The following WRN variants were observed in gnomAD, a reference collection of about 807,000 sequenced individuals.
The protein encoded by WRN is WRN RecQ like helicase.
WRN carries 149 observed loss-of-function variants against 180.7 expected under a neutral mutation model. The ratio of observed to expected loss-of-function variants is 0.82; its 90% confidence interval spans 0.72 to 0.94. The LOEUF is 0.94. Among genes scored for constraint, WRN ranks in the 40% least tolerant of loss-of-function variants. The pLI is 0.00. For missense variants in WRN, 1,661 were observed against 1,700.1 expected, an observed-to-expected ratio of 0.98 and a Z score of 0.40; for synonymous variants, 548 against 568.9, an observed-to-expected ratio of 0.96 and a Z score of 0.52.
intron 24 of WRN, among the ~76,000 whole-genome samples, chr8:31,135,375 T>C (rs1052516202): frequency 6.6e-6 from 1 of 152,054 alleles, no homozygotes; most frequent in Non-Finnish European, 1.5e-5. Flanking sequence ...GAGTTGGAGT[T>C]TATGGCTATT....
intron 20 of WRN, among the ~76,000 whole-genome samples, chr8:31,117,380 T>C (rs867602982): frequency 6.6e-6 from 1 of 152,172 alleles, no homozygotes. Context: ...AACATTAGAC[T>C]GGCAGCAATA....
chr8:31,134,084 C>A (rs1255398482), intron 24 of WRN, among the ~76,000 whole-genome samples: 1 of 152,104 alleles, frequency 6.6e-6, no homozygotes, highest in African/African-American at 2.4e-5. Flanking sequence ...TAAAACTTTT[C>A]TAAAAGTACC....
intron 18 of WRN, among the ~76,000 whole-genome samples, chr8:31,104,414 A>T (rs956926448): frequency 1.3e-5 from 2 of 152,226 alleles, no homozygotes; most frequent in Non-Finnish European, 2.9e-5. Context: ...TTTAAAAAAT[A>T]CATTGTAGAT....
intron 21 of WRN, 42 bp from the exon 22 acceptor site, chr8:31,124,480 C>T: frequency 6.9e-7 from 1 of 1,453,676 alleles, no homozygotes; most frequent in Non-Finnish European, 9.6e-7. Flanking sequence ...AGAAAGTTGC[C>T]AATACAGTTT....
At chr8:31,061,397 A>G (rs1204832014) in intron 3 of WRN, among the ~76,000 whole-genome samples, 1 of 151,772 alleles carries the variant, frequency 6.6e-6, no homozygotes. Context: ...GAACATATTT[A>G]GCATATTTTT....
At chr8:31,099,586 T>G (rs931583153) in intron 17 of WRN, among the ~76,000 whole-genome samples, 3 of 151,580 alleles carry the variant, frequency 2.0e-5, no homozygotes, top group African/African-American at 7.3e-5. Flanking sequence ...TTTTTTGTCT[T>G]TCTTCTCCAC....
chr8:31,116,944 T>C (rs11574307), intron 20 of WRN, among the ~76,000 whole-genome samples: 3,443 of 152,168 alleles, frequency 0.023, 121 homozygotes, highest in African/African-American at 0.076. Context: ...GTGACTGGTA[T>C]GGAATGGTTG....
At chr8:31,134,678 G>A (rs569689996) in intron 24 of WRN, among the ~76,000 whole-genome samples, 22 of 152,284 alleles carry the variant, frequency 1.4e-4, no homozygotes, top group Non-Finnish European at 2.9e-4. Flanking sequence ...TTCTGATCAC[G>A]TTAGCAGAAT....
At chr8:31,096,939 T>A in intron 17 of WRN, 89 bp downstream of exon 17, 1 of 1,235,412 alleles carries the variant, frequency 8.1e-7, no homozygotes, top group Non-Finnish European at 1.2e-6. Flanking sequence ...TCACTTCTGT[T>A]AAAGTTTATT....
At chr8:31,090,718 A>G (rs1813714137) in intron 14 of WRN, 116 bp from the exon 15 acceptor site, 5 of 1,035,800 alleles carry the variant, frequency 4.8e-6, no homozygotes, top group Non-Finnish European at 5.7e-6. Flanking sequence ...AAGATAGCAT[A>G]CTAGTATTGA....
chr8:31,079,199 A>G (rs1813207890), intron 8 of WRN, among the ~76,000 whole-genome samples: 1 of 152,198 alleles, frequency 6.6e-6, no homozygotes, highest in African/African-American at 2.4e-5. Context: ...TTGTCTACGT[A>G]AGCTTGAGCC....
At position 31,081,233 on chromosome 8, in the gene WRN, C is replaced by G. The variant is rs745838198; in HGVS notation, c.1206C>G (p.Leu402=). 6.2e-7 allele frequency: 1 copy of G among 1,612,600 alleles called. No homozygotes were observed. Among genetic ancestry groups the G allele is most frequent in the Admixed American group, 1.7e-5 (1 of 59,908 alleles). Residue 402 remains leucine, a synonymous_variant, in exon 9 of 35, where the codon CTC becomes CTG. Transcript: ENST00000298139. ...CGTTAGATATTACAGAACATGAACT[C>G]CAAATTTTGGAACAGCAGTCTCAGG... is the stretch of plus-strand genomic sequence containing the variant. ...LMSLDITEHE[L]QILEQQSQEE...
rs35353095 is a variant in WRN at position 31,159,944 on chromosome 8, C to CAA, written c.3982+2432_3982+2433dup. Among the ~76,000 whole-genome samples, 314 of 101,698 alleles carry CAA rather than the reference C, an allele frequency of 3.1e-3. 4 individuals carry two copies. Among genetic ancestry groups the CAA allele is most frequent in the East Asian group, 9.0e-3 (27 of 3,008 alleles). 66.7% of individuals were successfully genotyped at this position (101,698 alleles called of 152,430 possible). A position where few individuals can be genotyped will look rare whatever the true frequency, so the allele number is the denominator to read the frequency against. ...TGGGTGACAGAGTGAGACTCTGTCTCAAAAAAAAAAAAAAAAAAAGACCTT... is the reference window on the plus strand; with the variant it reads ...TGGGTGACAGAGTGAGACTCTGTCTCAAAAAAAAAAAAAAAAAAAAAGACCTT... On this transcript the variant is annotated intron_variant, in intron 33 of 34. Coordinates refer to ENST00000298139, the MANE Select transcript of WRN (RefSeq NM_000553.6).
intron 33 of WRN, among the ~76,000 whole-genome samples, chr8:31,158,103 AT>A (rs912090167): frequency 6.6e-5 from 10 of 152,038 alleles, no homozygotes; most frequent in Non-Finnish European, 5.9e-5. Flanking sequence ...GTGCACTTTC[AT>A]TTTTTTTCTA....
chr8:31,111,012 C>A lies in WRN; in HGVS notation c.2089-603C>A, dbSNP rs956673412. 2.0e-5 allele frequency among the ~76,000 whole-genome samples: 3 copies of A among 152,244 alleles called. No homozygotes were observed. In the East Asian group the frequency reaches 5.8e-4, roughly 29 times the overall value. ...CAGTCAAGAAGCCTTTGCTAGCAAT[C>A]AATTAATAATACGTTTCATTTATAC... On this transcript the variant is annotated intron_variant, in intron 18 of 34. Transcript: ENST00000298139.
At chr8:31,146,030 G>A (rs1041931627) in intron 28 of WRN, among the ~76,000 whole-genome samples, 5 of 151,666 alleles carry the variant, frequency 3.3e-5, no homozygotes, top group Non-Finnish European at 5.9e-5. Flanking sequence ...TTGGAAATTA[G>A]TGGCTTATGA....
chr8:31,042,745 T>C (rs1205650108), intron 1 of WRN, among the ~76,000 whole-genome samples: 1 of 152,216 alleles, frequency 6.6e-6, no homozygotes, highest in Non-Finnish European at 1.5e-5. Flanking sequence ...TAGAGTACTC[T>C]ATGACCTAGT....
chr8:31,088,649 G>GT (rs879494000), intron 12 of WRN, among the ~76,000 whole-genome samples: 10 of 151,752 alleles, frequency 6.6e-5, no homozygotes, highest in Admixed American at 2.6e-4. Context: ...TAAAACATCA[G>GT]TTTTTTTTAA....
rs1424207097 is a variant in WRN at position 31,174,801 on chromosome 8, CTT to C, written c.*1700_*1701del. On this transcript the variant is annotated 3_prime_UTR_variant, in exon 35 of 35. Coordinates refer to ENST00000298139, the MANE Select transcript of WRN (RefSeq NM_000553.6). Reference sequence around the variant, plus strand: ...CCTTCCTTCCCTTCCCTTCCCCTTCCTTCCTTCCTTCCTTCCTTCCTCCCTCC... The same window carrying C: ...CCTTCCTTCCCTTCCCTTCCCCTTCCCCTTCCTTCCTTCCTTCCTCCCTCC... 1.5e-4 allele frequency among the ~76,000 whole-genome samples: 14 copies of C among 94,534 alleles called. No homozygotes were observed. The highest frequency in any genetic ancestry group is 4.6e-4 in the African/African-American group (13 of 28,104). 62.0% of individuals were successfully genotyped at this position (94,534 alleles called of 152,430 possible). A position where few individuals can be genotyped will look rare whatever the true frequency, so the allele number is the denominator to read the frequency against.
Sources: allele counts gnomAD v4.1 joint callset (sites outside exome capture counted in the v4.1 genomes callset), GRCh38; gene constraint gnomAD v4.1.1; transcripts MANE v1.5; gene names NCBI Gene and HGNC (gene_info 2026-07-23, HGNC 2026-07-21).